The following GLI2 variants were observed in gnomAD, a reference collection of about 807,000 sequenced individuals.
GLI2 encodes transcription activator GLI2.
In GLI2, 22 loss-of-function variants were observed where a neutral mutation model predicts 78.9. The ratio of observed to expected loss-of-function variants is 0.28; its 90% confidence interval spans 0.20 to 0.40. The LOEUF (loss-of-function observed/expected upper bound fraction) is 0.40, where lower values mean the gene tolerates loss of function less well. Among genes scored for constraint, GLI2 ranks in the 10% least tolerant of loss-of-function variants. The pLI is 1.00. For missense variants in GLI2, 2,097 were observed against 2,213.2 expected, an observed-to-expected ratio of 0.95 and a Z score of 1.05; for synonymous variants, 974 against 963.7, an observed-to-expected ratio of 1.01 and a Z score of -0.20.
At chr2:120,904,776 G>A (rs755809413) in intron 2 of GLI2, among the ~76,000 whole-genome samples, 8 of 152,168 alleles carry the variant, frequency 5.3e-5, no homozygotes, top group Non-Finnish European at 1.0e-4. Context: ...TTTCTCCTAT[G>A]CCTCCAGAGC....
chr2:120,738,995 CAG>C (rs146814358), intron 1 of GLI2, among the ~76,000 whole-genome samples: 3,067 of 152,292 alleles, frequency 0.02, 97 homozygotes, highest in African/African-American at 0.07. Context: ...GCACCGAATG[CAG>C]AGTCAATCCT....
intron 2 of GLI2, among the ~76,000 whole-genome samples, chr2:120,852,344 A>C (rs1041516425): frequency 2.0e-5 from 3 of 152,168 alleles, no homozygotes; most frequent in African/African-American, 4.8e-5. Flanking sequence ...TTTTCGGGCC[A>C]GCTCTGTGCT....
At chr2:120,934,148 C>CGG (rs1680083289) in intron 3 of GLI2, among the ~76,000 whole-genome samples, 1 of 152,170 alleles carries the variant, frequency 6.6e-6, no homozygotes, top group South Asian at 2.1e-4. Context: ...GCTTGACGTC[C>CGG]GGGAAAGCAG....
At chr2:120,831,457 A>G (rs901833720) in intron 2 of GLI2, among the ~76,000 whole-genome samples, 2 of 152,228 alleles carry the variant, frequency 1.3e-5, no homozygotes, top group African/African-American at 4.8e-5. Flanking sequence ...TGCTGATGTC[A>G]GGCCAGAGGG....
chr2:120,875,047 C>A (rs980709403), intron 2 of GLI2, among the ~76,000 whole-genome samples: 5 of 152,190 alleles, frequency 3.3e-5, no homozygotes, highest in African/African-American at 4.8e-5. Context: ...GTGACCTCTG[C>A]CTTTGTGGGT....
At chr2:120,742,268 C>T (rs1190808633) in intron 1 of GLI2, among the ~76,000 whole-genome samples, 1 of 152,184 alleles carries the variant, frequency 6.6e-6, no homozygotes, top group Non-Finnish European at 1.5e-5. Flanking sequence ...GGATTCGAAA[C>T]CTCTTAGCGC....
At position 120,797,329 on chromosome 2, in the gene GLI2, G is replaced by T. The variant is rs199524680; in HGVS notation, c.9G>T (p.Thr3=). Residue 3 remains threonine, a synonymous_variant, in exon 2 of 14, where the codon ACG becomes ACT. Coordinates refer to ENST00000361492, the MANE Select transcript of GLI2 (RefSeq NM_001374353.1). ME[T]SASATASEKQ... ...GACGATGAGCGGCTGAGATGGAGAC[G>T]TCTGCCTCAGCCACTGCCTCCGAGA... The T allele has an allele frequency of 2.5e-6, 4 of 1,613,994 alleles. No homozygotes were observed. The Middle Eastern group carries it at 6.6e-4, about 266-fold the overall frequency.
Position 120,986,413 on chromosome 2 carries a change from G to C in GLI2, c.2041G>C (p.Asp681His). The change falls in exon 13 of 14, where the codon GAT becomes CAT. Residue 681 changes from aspartate to histidine, a missense_variant. Physicochemically the swap from Asp to His is moderately conservative, Grantham distance 81. Transcript: ENST00000361492. ...PGSLGDLTALDDTPPGADTSA... is the reference protein window; with the variant it reads ...PGSLGDLTALHDTPPGADTSA... ...GAGCCTGGGAGACCTGACGGCACTG[G>C]ATGACACACCCCCAGGGGCCGACAC... 1 of 1,613,850 alleles carries C rather than the reference G, an allele frequency of 6.2e-7. No homozygotes were observed. Among genetic ancestry groups the C allele is most frequent in the South Asian group, 1.1e-5 (1 of 91,074 alleles).
intron 2 of GLI2, among the ~76,000 whole-genome samples, chr2:120,799,600 G>A (rs988865211): frequency 3.3e-5 from 5 of 152,196 alleles, no homozygotes; most frequent in African/African-American, 1.2e-4. Context: ...AAAATGCGAC[G>A]GCTGCATTCG....
intron 2 of GLI2, among the ~76,000 whole-genome samples, chr2:120,909,157 G>A (rs145067727): frequency 5.6e-4 from 85 of 152,244 alleles, no homozygotes; most frequent in African/African-American, 1.6e-3. Flanking sequence ...TGCACCCTCC[G>A]CCTTTTGGCT....
At chr2:120,914,775 A>G (rs1261399068) in intron 2 of GLI2, among the ~76,000 whole-genome samples, 2 of 152,164 alleles carry the variant, frequency 1.3e-5, no homozygotes, top group African/African-American at 4.8e-5. Flanking sequence ...TCCACTTCAC[A>G]GTCTCCCTCT....
intron 1 of GLI2, among the ~76,000 whole-genome samples, chr2:120,788,702 G>T (rs556067438): frequency 6.6e-6 from 1 of 152,344 alleles, no homozygotes; most frequent in Non-Finnish European, 1.5e-5. Context: ...AATTAGGGGA[G>T]CTTTTGTACT....
At chr2:120,757,342 A>G (rs1257264111) in intron 1 of GLI2, among the ~76,000 whole-genome samples, 1 of 151,506 alleles carries the variant, frequency 6.6e-6, no homozygotes, top group African/African-American at 2.4e-5. Flanking sequence ...GCTTTCTTCT[A>G]GGATATGATT....
intron 2 of GLI2, among the ~76,000 whole-genome samples, chr2:120,854,829 G>A (rs1478293122): frequency 1.3e-5 from 2 of 152,216 alleles, no homozygotes; most frequent in African/African-American, 4.8e-5. Flanking sequence ...GTAGGCCTGC[G>A]ATGGGGCTTG....
intron 2 of GLI2, among the ~76,000 whole-genome samples, chr2:120,909,506 G>A (rs1477561661): frequency 2.0e-5 from 3 of 152,178 alleles, no homozygotes; most frequent in Admixed American, 6.5e-5. Flanking sequence ...CTGGCAACCT[G>A]ATGCCCAGAG....
chr2:120,797,248 G>A, intron 1 of GLI2, 43 bp from the exon 2 acceptor site: 2 of 1,528,138 alleles, frequency 1.3e-6, no homozygotes, highest in Non-Finnish European at 9.1e-7. Context: ...TCCCGGCTGG[G>A]TTTGGGCTCA....
chr2:120,791,779 C>T (rs1441388676), intron 1 of GLI2, among the ~76,000 whole-genome samples: 5 of 151,906 alleles, frequency 3.3e-5, no homozygotes, highest in Non-Finnish European at 7.4e-5. Flanking sequence ...CCATGTGTGA[C>T]TTTATATATG....
rs779141145 is a variant in GLI2, at chr2:120,951,246, C to T, written c.258C>T (p.Pro86=). ...EPHSVHGVHG[P]PALSGSPVIS... is the part of the protein sequence containing the mutation. ...CGGCTGCCCATTGTCTCTGCAGGCC[C>T]CCTGCCCTCAGCGGCAGCCCTGTCA... The change falls in exon 4 of 14, where the codon CCC becomes CCT. Residue 86 remains proline (P), a synonymous_variant. Transcript: ENST00000361492. 1.1e-5 allele frequency: 18 copies of T among 1,596,986 alleles called. No homozygotes were observed. In the Admixed American group the frequency reaches 3.0e-4, roughly 27 times the overall value.
At chr2:120,887,911 A>G (rs1446187410) in intron 2 of GLI2, among the ~76,000 whole-genome samples, 1 of 152,232 alleles carries the variant, frequency 6.6e-6, no homozygotes, top group African/African-American at 2.4e-5. Context: ...ACATGCATTC[A>G]CAAACCCCTT....
Sources: allele counts gnomAD v4.1 joint callset (sites outside exome capture counted in the v4.1 genomes callset), GRCh38; gene constraint gnomAD v4.1.1; transcripts MANE v1.5; gene names NCBI Gene and HGNC (gene_info 2026-07-23, HGNC 2026-07-21).